MRTFB: variants seen among roughly 807,000 people sequenced by gnomAD.
MRTFB encodes myocardin related transcription factor B.
Under a neutral mutation model 104.2 loss-of-function variants are expected in MRTFB, and 29 were observed. That is an observed-to-expected ratio of 0.28 (90% CI 0.21 to 0.38). MRTFB has a LOEUF of 0.38. Among genes scored for constraint, MRTFB ranks in the 10% least tolerant of loss-of-function variants. The pLI is 1.00. For missense variants in MRTFB, 1,270 were observed against 1,341.6 expected (o/e 0.95, Z 0.83); for synonymous variants, 535 against 519.5 (o/e 1.03, Z -0.41).
chr16:14,203,804 G>GA (rs908323645), intron 3 of MRTFB, among the ~76,000 whole-genome samples: 2,854 of 44,740 alleles, frequency 0.064, 112 homozygotes, highest in Admixed American at 0.11. Flanking sequence ...ACTCTGTCTC[G>GA]AAAAAAAAAA....
At chr16:14,186,724 C>T in intron 3 of MRTFB, 1 of 1,422,966 alleles carries the variant, frequency 7.0e-7, no homozygotes. Flanking sequence ...AGTGTATTTG[C>T]AGGTCAAGCT....
At chr16:14,236,043 A>G (rs1392049113) in intron 9 of MRTFB, among the ~76,000 whole-genome samples, 5 of 152,104 alleles carry the variant, frequency 3.3e-5, no homozygotes, top group African/African-American at 1.2e-4. Context: ...TTAGTTGGGC[A>G]TGGTGGCACA....
chr16:14,016,385 G>A, the MRTFB span, among the ~76,000 whole-genome samples: 4 of 151,126 alleles, frequency 2.6e-5, no homozygotes, highest in African/African-American at 7.3e-5. Flanking sequence ...TTTTTTAGGT[G>A]GGTCCCACTC....
At chr16:14,039,693 T>C in the MRTFB span, among the ~76,000 whole-genome samples, 1 of 151,862 alleles carries the variant, frequency 6.6e-6, no homozygotes, top group South Asian at 2.1e-4. Context: ...GCACTTTTAA[T>C]TTACACTTGT....
At chr16:14,058,233 C>T in the MRTFB span, among the ~76,000 whole-genome samples, 2 of 152,270 alleles carry the variant, frequency 1.3e-5, no homozygotes, top group South Asian at 4.2e-4. Flanking sequence ...TTCGCGAATT[C>T]CAAGAACACT....
At chr16:14,034,897 C>T in the MRTFB span, among the ~76,000 whole-genome samples, 1 of 152,200 alleles carries the variant, frequency 6.6e-6, no homozygotes, top group African/African-American at 2.4e-5. Context: ...CCCACCACCC[C>T]AGGCCTGCAG....
At chr16:14,081,707 G>C (rs529735222) in intron 2 of MRTFB, among the ~76,000 whole-genome samples, 1 of 152,022 alleles carries the variant, frequency 6.6e-6, no homozygotes, top group Non-Finnish European at 1.5e-5. Context: ...AGCCTCCCTA[G>C]TAGCTGGGAC....
At chr16:14,106,582 ACT>A (rs1330983522) in intron 2 of MRTFB, among the ~76,000 whole-genome samples, 1 of 151,946 alleles carries the variant, frequency 6.6e-6, no homozygotes, top group East Asian at 1.9e-4. Context: ...TAAATGGGAG[ACT>A]CTCTGTAAAG....
the MRTFB span, chr16:14,012,960 C>A: frequency 1.3e-5 from 2 of 152,226 alleles, no homozygotes; most frequent in Admixed American, 6.5e-5. Flanking sequence ...TATCCTCCCC[C>A]AGTCTTCCCA....
At chr16:14,226,467 CTG>C (rs2042006088) in intron 8 of MRTFB, among the ~76,000 whole-genome samples, 1 of 152,138 alleles carries the variant, frequency 6.6e-6, no homozygotes, top group Admixed American at 6.5e-5. Flanking sequence ...ACTGGGAAAA[CTG>C]GATATCCACA....
intron 10 of MRTFB, among the ~76,000 whole-genome samples, chr16:14,242,696 T>C (rs186243013): frequency 1.3e-5 from 2 of 152,308 alleles, no homozygotes; most frequent in East Asian, 3.9e-4. Context: ...TGCATCCCTC[T>C]GAACGCAGGT....
chr16:14,246,045 T>C (rs30148), intron 11 of MRTFB, among the ~76,000 whole-genome samples: 10,889 of 151,502 alleles, frequency 0.072, 635 homozygotes, highest in East Asian at 0.31. Flanking sequence ...GTACCTTCAG[T>C]GAGTGCTTCA....
At chr16:14,253,855 G>A (rs1042249588) in intron 15 of MRTFB, among the ~76,000 whole-genome samples, 7 of 152,196 alleles carry the variant, frequency 4.6e-5, no homozygotes, top group African/African-American at 7.2e-5. Context: ...TTTCAAAGAC[G>A]GGTTCAAATA....
At chr16:14,256,016 AGT>A (rs1296630755) in intron 15 of MRTFB, among the ~76,000 whole-genome samples, 2 of 151,600 alleles carry the variant, frequency 1.3e-5, no homozygotes, top group Non-Finnish European at 2.9e-5. Flanking sequence ...GGGAAGCTAA[AGT>A]AGGAGTATCA....
chr16:14,243,864 G>GTTTTTTTTTTTGTTTTTTTTTTTT (rs2042891129), intron 10 of MRTFB, among the ~76,000 whole-genome samples: 2 of 124,676 alleles, frequency 1.6e-5, no homozygotes, highest in African/African-American at 7.6e-5. Context: ...CCTGTTTTGG[G>GTTTTTTTTTTTGTTTTTTTTTTTT]TTTTTTTTTT....
chr16:14,146,343 G>C (rs769149021), intron 3 of MRTFB, among the ~76,000 whole-genome samples: 1 of 152,146 alleles, frequency 6.6e-6, no homozygotes, highest in Non-Finnish European at 1.5e-5. Context: ...GACATTTGCC[G>C]TTCTTATTTT....
the MRTFB span, among the ~76,000 whole-genome samples, chr16:14,026,182 G>A: frequency 6.6e-6 from 1 of 152,090 alleles, no homozygotes; most frequent in Non-Finnish European, 1.5e-5. Context: ...TATTGAAAAA[G>A]AAATTGGGAG....
chr16:14,051,115 C>G, the MRTFB span, among the ~76,000 whole-genome samples: 1 of 151,964 alleles, frequency 6.6e-6, no homozygotes, highest in Non-Finnish European at 1.5e-5. Context: ...AACTCACAAA[C>G]AGAGGCACAC....
At chr16:14,251,763 AG>A in intron 13 of MRTFB, 98 bp from the exon 14 acceptor site, 1 of 1,299,652 alleles carries the variant, frequency 7.7e-7, no homozygotes, top group Non-Finnish European at 1.1e-6. Flanking sequence ...AGCCCTTTAC[AG>A]AAAAAGTTTG....
Sources: gnomAD v4.1 joint callset for allele counts (sites outside exome capture counted in the v4.1 genomes callset) on GRCh38, gnomAD v4.1.1 for gene constraint, MANE v1.5 for transcripts, NCBI Gene and HGNC (gene_info 2026-07-23, HGNC 2026-07-21) for gene names.